COL25A1: variants seen among roughly 807,000 people sequenced by gnomAD.
COL25A1 encodes the protein collagen type XXV alpha 1 chain.
Under a neutral mutation model 128.4 loss-of-function variants are expected in COL25A1, and 103 were observed. That is an observed-to-expected ratio of 0.80 (90% CI 0.68 to 0.94). COL25A1 has a LOEUF of 0.94. COL25A1 is among the 40% of genes least tolerant of loss of function. The pLI is 0.00. For missense variants in COL25A1, 745 were observed against 840.0 expected (o/e 0.89, Z 1.40); for synonymous variants, 279 against 277.2 (o/e 1.01, Z -0.06).
chr4:108,942,326 A>C, intron 8 of COL25A1: 2 of 1,472,538 alleles, frequency 1.4e-6, no homozygotes, highest in Non-Finnish European at 1.9e-6. Context: ...CAGACATTTC[A>C]CTAGGGGACA....
At chr4:109,211,651 G>A (rs1777574958) in intron 3 of COL25A1, among the ~76,000 whole-genome samples, 1 of 151,996 alleles carries the variant, frequency 6.6e-6, no homozygotes, top group Non-Finnish European at 1.5e-5. Flanking sequence ...TTAAGAGAAA[G>A]AAAAGCTCTT....
At chr4:108,985,485 T>C (rs1460911546) in intron 6 of COL25A1, among the ~76,000 whole-genome samples, 2 of 152,044 alleles carry the variant, frequency 1.3e-5, no homozygotes, top group Non-Finnish European at 2.9e-5. Flanking sequence ...GAAGGGGAGG[T>C]AGCAGAATAG....
chr4:108,844,719 G>T (rs2125757810), intron 29 of COL25A1, 150 bp from the exon 30 acceptor site: 2 of 1,175,438 alleles, frequency 1.7e-6, no homozygotes, highest in Non-Finnish European at 2.3e-6. Context: ...TTCTCTAGAT[G>T]TAGAAATTCC....
At chr4:109,136,058 G>A (rs978559164) in intron 3 of COL25A1, among the ~76,000 whole-genome samples, 1 of 152,138 alleles carries the variant, frequency 6.6e-6, no homozygotes, top group African/African-American at 2.4e-5. Flanking sequence ...CAGAAGCCCT[G>A]GTGGTAGGGA....
chr4:108,825,535 T>G lies in COL25A1; in HGVS notation c.1765-313A>C, dbSNP rs139345611. Among the ~76,000 whole-genome samples, 544 of 152,268 alleles carry G rather than the reference T, an allele frequency of 3.6e-3. 1 individual carries two copies. The highest frequency in any genetic ancestry group is 0.011 in the African/African-American group (477 of 41,546). ...GATTAGTGACTGTTAGTGTTGAAGTTAAGGGTCATGAAAATTTTATATGAT... is the reference window on the plus strand; with the variant it reads ...GATTAGTGACTGTTAGTGTTGAAGTGAAGGGTCATGAAAATTTTATATGAT... On this transcript the variant is annotated intron_variant, in intron 33 of 37. Transcript: ENST00000399132.
rs1196867019 is a variant in COL25A1 at position 109,062,180 on chromosome 4, C to T, written c.368-12001G>A. Reference sequence around the variant, plus strand: ...AGTGTCAGAGGCCTAACTACAAGTGCCAATCAACTTAAAGGACTTATGAAA... The same window carrying T: ...AGTGTCAGAGGCCTAACTACAAGTGTCAATCAACTTAAAGGACTTATGAAA... On this transcript the variant is annotated intron_variant, in intron 3 of 37. Coordinates refer to ENST00000399132, the MANE Select transcript of COL25A1 (RefSeq NM_198721.4). Among the ~76,000 whole-genome samples, 4 of 152,044 alleles carry T rather than the reference C, an allele frequency of 2.6e-5. No homozygotes were observed. The East Asian group carries it at 7.7e-4, about 29-fold the overall frequency.
intron 33 of COL25A1, among the ~76,000 whole-genome samples, 193 bp from the exon 34 acceptor site, chr4:108,825,415 G>C (rs1732253276): frequency 6.6e-6 from 1 of 152,130 alleles, no homozygotes; most frequent in Admixed American, 6.5e-5. Context: ...ATTATATATA[G>C]GGTTAAATAG....
chr4:109,099,548 G>T (rs1765700335), intron 3 of COL25A1, among the ~76,000 whole-genome samples: 1 of 151,422 alleles, frequency 6.6e-6, no homozygotes, highest in Non-Finnish European at 1.5e-5. Flanking sequence ...TATGGAACTT[G>T]TAGAACCAAT....
At chr4:109,203,858 A>G (rs1776766812) in intron 3 of COL25A1, among the ~76,000 whole-genome samples, 1 of 152,114 alleles carries the variant, frequency 6.6e-6, no homozygotes, top group Non-Finnish European at 1.5e-5. Context: ...ACATCAGTGA[A>G]TATTTTATTA....
chr4:109,286,615 T>C (rs1270695040), intron 3 of COL25A1, among the ~76,000 whole-genome samples: 2 of 152,162 alleles, frequency 1.3e-5, no homozygotes, highest in Admixed American at 6.5e-5. Context: ...TGGCAAGATA[T>C]GGAAGCAGTC....
chr4:109,183,448 G>A (rs1222462146), intron 3 of COL25A1, among the ~76,000 whole-genome samples: 1 of 152,114 alleles, frequency 6.6e-6, no homozygotes, highest in Non-Finnish European at 1.5e-5. Context: ...TGAGAAAAAT[G>A]CAAAGACTTT....
At position 108,832,385 on chromosome 4, in the gene COL25A1, C is replaced by G; in HGVS notation, c.1705G>C (p.Glu569Gln). ...GPHGPAGPKG[E>Q]RGEKGAMGEP... is the part of the protein sequence containing the mutation. Reference sequence around the variant, plus strand: ...TAACCTCAGCAACAACTTACTCTTTCTCCTTTGGGACCTGCAGGGCCATGG... The same window carrying G: ...TAACCTCAGCAACAACTTACTCTTTGTCCTTTGGGACCTGCAGGGCCATGG... The change falls in exon 32 of 38, where the codon GAA becomes CAA. Residue 569 changes from glutamate to glutamine, a missense_variant. Around this residue, in one of 3 missense-constraint regions of COL25A1, gnomAD observed 387 missense variants for 441.9 expected, o/e 0.88. Transcript: ENST00000399132. 1 of 1,609,744 alleles carries G rather than the reference C, an allele frequency of 6.2e-7. No homozygotes were observed. Among genetic ancestry groups the G allele is most frequent in the South Asian group, 1.1e-5 (1 of 90,462 alleles).
intron 5 of COL25A1, among the ~76,000 whole-genome samples, chr4:109,024,940 C>G (rs1758112580): frequency 6.6e-6 from 1 of 152,184 alleles, no homozygotes; most frequent in Non-Finnish European, 1.5e-5. Flanking sequence ...AAGAGTTATA[C>G]AGTTAAACAC....
At chr4:109,287,226 C>A (rs928504826) in intron 3 of COL25A1, among the ~76,000 whole-genome samples, 5 of 152,124 alleles carry the variant, frequency 3.3e-5, no homozygotes, top group African/African-American at 1.2e-4. Context: ...AATTCTATTG[C>A]AGTCTTCAGT....
intron 32 of COL25A1, among the ~76,000 whole-genome samples, chr4:108,828,286 C>T (rs1036908512): frequency 2.6e-5 from 4 of 152,118 alleles, no homozygotes; most frequent in African/African-American, 7.2e-5. Context: ...TACAGGTGCC[C>T]GCCACGCCTG....
At chr4:109,018,253 T>C (rs1379351504) in intron 5 of COL25A1, among the ~76,000 whole-genome samples, 2 of 152,102 alleles carry the variant, frequency 1.3e-5, no homozygotes, top group African/African-American at 4.8e-5. Context: ...AGATGGATTT[T>C]TGCTCTTGTT....
chr4:109,071,153 AC>A (rs1391258018), intron 3 of COL25A1, among the ~76,000 whole-genome samples: 5 of 150,890 alleles, frequency 3.3e-5, no homozygotes. Context: ...CACATCTACA[AC>A]CATCTGATCT....
At chr4:108,952,295 GA>G (rs1380125112) in intron 8 of COL25A1, among the ~76,000 whole-genome samples, 1 of 151,636 alleles carries the variant, frequency 6.6e-6, no homozygotes, top group African/African-American at 2.4e-5. Flanking sequence ...TTTATAATTA[GA>G]ATCTGTTTTG....
At chr4:108,916,313 C>G (rs1042896712) in intron 13 of COL25A1, among the ~76,000 whole-genome samples, 3 of 152,136 alleles carry the variant, frequency 2.0e-5, no homozygotes, top group African/African-American at 7.2e-5. Flanking sequence ...CATAAAACTG[C>G]AAATATTAAC....
Sources: allele counts gnomAD v4.1 joint callset (sites outside exome capture counted in the v4.1 genomes callset), GRCh38; gene constraint gnomAD v4.1.1; regional missense constraint gnomAD v4.1.1; transcripts MANE v1.5; gene names NCBI Gene and HGNC (gene_info 2026-07-23, HGNC 2026-07-21).